Variants in SYNE1 observed in about 807,000 individuals in gnomAD.
The protein encoded by SYNE1 is spectrin repeat containing nuclear envelope protein 1.
In SYNE1, 616 loss-of-function variants were observed where a neutral mutation model predicts 1,111.0. The ratio of observed to expected loss-of-function variants is 0.55; its 90% CI spans 0.52 to 0.59. The LOEUF (loss-of-function observed/expected upper bound fraction) is 0.59. Among genes scored for constraint, SYNE1 ranks in the 20% least tolerant of loss-of-function variants. SYNE1 has a pLI of 0.00. For missense variants in SYNE1, 10,006 were observed against 10,417.0 expected (o/e 0.96, Z 1.72); for synonymous variants, 3,855 against 3,825.8 (o/e 1.01, Z -0.28).
In SYNE1 at chr6:152,330,177, G is replaced by A. The variant is rs1375419681; in HGVS notation, c.14508C>T (p.Thr4836=). The A allele has an allele frequency of 5.6e-6, 9 of 1,614,144 alleles. No individual in the cohort carries two copies. The highest frequency in any genetic ancestry group is 1.6e-4 in the Middle Eastern group (1 of 6,062). ...QDSGIVLKRV[T]IHLEDLAPHL... ...GTGGGGCAAGATCTTCAAGATGTATGGTTACTCGTTTCAGTACAATCCCTG... is the reference window on the plus strand; with the variant it reads ...GTGGGGCAAGATCTTCAAGATGTATAGTTACTCGTTTCAGTACAATCCCTG... The change falls in exon 78 of 146, where the codon ACC becomes ACT. Residue 4836 remains threonine, a synonymous_variant. Coordinates refer to ENST00000367255, the MANE Select transcript of SYNE1 (RefSeq NM_182961.4).
chr6:152,375,858 T>C (rs1351170859), intron 58 of SYNE1, among the ~76,000 whole-genome samples: 1 of 152,260 alleles, frequency 6.6e-6, no homozygotes, highest in Non-Finnish European at 1.5e-5. Context: ...TTTATATAAA[T>C]GAACTGGTTC....
intron 3 of SYNE1, among the ~76,000 whole-genome samples, chr6:152,590,178 C>T (rs972566387): frequency 1.3e-5 from 2 of 151,240 alleles, no homozygotes; most frequent in Non-Finnish European, 2.9e-5. Flanking sequence ...ATCCTCCCAC[C>T]TTGGCCTTCC....
rs774734598 is a variant in SYNE1 at position 152,225,687 on chromosome 6, G to A, written c.21351+34C>T. ...GAGTTTGGACAGAGCTGGCAAACAC[G>A]GTCCTGGAGCTGGCTTTCTGTGAGC... On this transcript the variant is annotated intron_variant, in intron 116 of 145. Coordinates refer to ENST00000367255, the MANE Select transcript of SYNE1 (RefSeq NM_182961.4). The A allele has an allele frequency of 3.0e-5, 48 of 1,613,738 alleles. No individual in the cohort carries two copies. In the African/African-American group the frequency reaches 3.2e-4, roughly 11 times the overall value.
In SYNE1 at chr6:152,385,701, G is replaced by T. The variant is rs759736838; in HGVS notation, c.8625C>A (p.Ala2875=). ...RWSDMSGDSS[A]TQKKLSKIKE... ...TAATTTTTGATAACTTTTTCTGGGT[G>T]GCTGATGAATCTCCAGACATATCTG... is the stretch of plus-strand genomic sequence containing the variant. Residue 2875 remains alanine (A), a synonymous_variant, in exon 55 of 146, where the codon GCC becomes GCA. Coordinates refer to ENST00000367255, the MANE Select transcript of SYNE1 (RefSeq NM_182961.4). 6.2e-7 allele frequency: 1 copy of T among 1,614,090 alleles called. No individual in the cohort carries two copies. Among genetic ancestry groups the T allele is most frequent in the South Asian group, 1.1e-5 (1 of 91,082 alleles).
chr6:152,217,287 T>A (rs1412564921), intron 121 of SYNE1, among the ~76,000 whole-genome samples: 1 of 148,072 alleles, frequency 6.8e-6, no homozygotes, highest in African/African-American at 2.5e-5. Context: ...TCCTAACTAC[T>A]CGGGAGGCTG....
At chr6:152,386,689 G>A (rs1163168090) in intron 54 of SYNE1, among the ~76,000 whole-genome samples, 4 of 152,096 alleles carry the variant, frequency 2.6e-5, no homozygotes, top group African/African-American at 7.2e-5. Flanking sequence ...TTTCGTACAC[G>A]ACTGAATCTT....
intron 95 of SYNE1, among the ~76,000 whole-genome samples, chr6:152,288,126 GTTT>G (rs10591944): frequency 8.9e-5 from 13 of 146,536 alleles, no homozygotes; most frequent in East Asian, 2.0e-4. Flanking sequence ...TTATGTCTTT[GTTT>G]TTTTTTTTTT....
intron 145 of SYNE1, among the ~76,000 whole-genome samples, chr6:152,123,665 G>T (rs143991803): frequency 2.0e-5 from 3 of 152,162 alleles, no homozygotes; most frequent in Non-Finnish European, 4.4e-5. Context: ...GGCATTTGGT[G>T]TACACTCAGA....
Position 152,148,345 on chromosome 6 carries a change from C to T in SYNE1, c.24676G>A (p.Glu8226Lys). Residue 8226 changes from glutamate (E) to lysine (K), a missense_variant, in exon 137 of 146, where the codon GAG (glutamate) becomes AAG (lysine). This residue lies in a region of SYNE1 where 761 missense variants were observed against 795.5 expected (regional missense o/e 0.96). Coordinates refer to ENST00000367255, the MANE Select transcript of SYNE1 (RefSeq NM_182961.4). This position sits in a 1 kb window ranked among gnomAD's most constrained non-coding sequence, Gnocchi z 4.1. ...GCTGCAGAGTCTTCCAGCTCCAGCT[C>T]CCTGTCTGAGAGGTCGTGCTCATCG... is the stretch of plus-strand genomic sequence containing the variant. ...PDDEHDLSDR[E>K]LELEDSAALS... 1 of 1,614,152 alleles carries T rather than the reference C, an allele frequency of 6.2e-7. No individual in the cohort carries two copies. The highest frequency in any genetic ancestry group is 8.5e-7 in the Non-Finnish European group (1 of 1,180,034).
chr6:152,162,230 G>A (rs377697277), intron 131 of SYNE1, among the ~76,000 whole-genome samples: 1 of 152,062 alleles, frequency 6.6e-6, no homozygotes. Flanking sequence ...AGCCTTCTTC[G>A]AACTCTGTGG....
intron 97 of SYNE1, among the ~76,000 whole-genome samples, chr6:152,279,541 C>A (rs576868737): frequency 1.8e-4 from 27 of 151,550 alleles, no homozygotes; most frequent in African/African-American, 6.5e-4. Context: ...CATAGTGAAA[C>A]CCCGTCTCTC....
At chr6:152,518,530 A>T (rs537470231) in intron 6 of SYNE1, among the ~76,000 whole-genome samples, 9 of 152,162 alleles carry the variant, frequency 5.9e-5, no homozygotes, top group African/African-American at 2.2e-4. Context: ...GCCTCTCCGG[A>T]AACTGATGCC....
At chr6:152,409,472 G>A in intron 43 of SYNE1, 87 bp downstream of exon 43, 1 of 1,531,850 alleles carries the variant, frequency 6.5e-7, no homozygotes, top group Non-Finnish European at 8.9e-7. Flanking sequence ...TAAGTATACT[G>A]ATAAGAATAG....
chr6:152,304,161 C>T (rs1053355753), intron 91 of SYNE1, among the ~76,000 whole-genome samples: 2 of 152,128 alleles, frequency 1.3e-5, no homozygotes, highest in African/African-American at 2.4e-5. Context: ...TAGCTATTTA[C>T]TATATCTTGT....
chr6:152,501,093 A>G (rs1035547461), intron 10 of SYNE1, among the ~76,000 whole-genome samples: 3 of 152,126 alleles, frequency 2.0e-5, no homozygotes, highest in Non-Finnish European at 4.4e-5. Context: ...TGAAAATTCC[A>G]TTTCTTATTT....
At chr6:152,353,231 G>T (rs375132833) in intron 69 of SYNE1, 32 bp downstream of exon 69, 7 of 1,613,774 alleles carry the variant, frequency 4.3e-6, no homozygotes, top group Non-Finnish European at 5.1e-6. Context: ...GAACGGAAAG[G>T]TTGGATACAA....
At chr6:152,605,006 AAGAGAGAG>A (rs1166561188) in intron 3 of SYNE1, among the ~76,000 whole-genome samples, 4 of 25,590 alleles carry the variant, frequency 1.6e-4, no homozygotes, top group African/African-American at 5.7e-4. Context: ...GAAAGAAAGA[AAGAGAGAG>A]AGAGAGAGAG....
At chr6:152,388,308 C>T (rs189731221) in intron 53 of SYNE1, among the ~76,000 whole-genome samples, 1 of 151,176 alleles carries the variant, frequency 6.6e-6, no homozygotes, top group African/African-American at 2.4e-5. Context: ...TGCTGTGGTG[C>T]AATCATATAG....
At chr6:152,493,398 C>A (rs2098982034) in intron 11 of SYNE1, among the ~76,000 whole-genome samples, 1 of 152,022 alleles carries the variant, frequency 6.6e-6, no homozygotes, top group African/African-American at 2.4e-5. Flanking sequence ...TTCATCCCAG[C>A]CTCTCTTCGC....
Sources: gnomAD v4.1 joint callset for allele counts (sites outside exome capture counted in the v4.1 genomes callset) on GRCh38, gnomAD v4.1.1 for gene constraint, gnomAD v4.1.1 regional missense constraint, Gnocchi (gnomAD v3.1) non-coding constraint, MANE v1.5 for transcripts, NCBI Gene and HGNC (gene_info 2026-07-23, HGNC 2026-07-21) for gene names.